The following MYLK variants were observed in gnomAD, a reference collection of about 807,000 sequenced individuals.
MYLK encodes myosin light chain kinase, also known as myosin light chain kinase, smooth muscle.
A neutral mutation model predicts 203.4 loss-of-function variants in MYLK; 106 were observed. That is an observed-to-expected ratio of 0.52 (90% confidence interval 0.45 to 0.61). The LOEUF is 0.61. MYLK is among the 20% of genes least tolerant of loss of function. The probability of loss-of-function intolerance (pLI) is 0.00; values close to 1 mark genes in which losing one functional copy is unlikely to be tolerated. For synonymous variants in MYLK, 867 were observed against 959.5 expected, an observed-to-expected ratio of 0.90 and a Z score of 1.78; for missense variants, 2,072 against 2,442.3, an observed-to-expected ratio of 0.85 and a Z score of 3.20.
chr3:123,803,574 C>G (rs999325747), intron 3 of MYLK, among the ~76,000 whole-genome samples: 1 of 152,208 alleles, frequency 6.6e-6, no homozygotes, highest in African/African-American at 2.4e-5. Context: ...TCTAAGACTG[C>G]CACCAGCTCT....
chr3:123,637,642 C>G (rs1164249701), intron 29 of MYLK, among the ~76,000 whole-genome samples: 2 of 152,180 alleles, frequency 1.3e-5, no homozygotes, highest in Non-Finnish European at 2.9e-5. Context: ...GTCCCCGTGC[C>G]TTGGGGATGG....
chr3:123,762,324 G>A (rs1025070449), intron 4 of MYLK, among the ~76,000 whole-genome samples: 2 of 151,666 alleles, frequency 1.3e-5, no homozygotes, highest in African/African-American at 4.8e-5. Flanking sequence ...TACCTCCCAT[G>A]CTCAAGCGAT....
At chr3:123,824,306 T>C (rs560521956) in intron 3 of MYLK, among the ~76,000 whole-genome samples, 20 of 152,268 alleles carry the variant, frequency 1.3e-4, no homozygotes, top group African/African-American at 4.8e-4. Flanking sequence ...GCCAGGCTGG[T>C]CTCGAACTCC....
intron 4 of MYLK, among the ~76,000 whole-genome samples, chr3:123,790,872 T>G (rs1319107703): frequency 6.6e-6 from 1 of 152,168 alleles, no homozygotes; most frequent in Non-Finnish European, 1.5e-5. Context: ...TGGGCGCAAC[T>G]TCACGGAGGA....
At chr3:123,635,120 T>C (rs1015163373) in intron 29 of MYLK, among the ~76,000 whole-genome samples, 6 of 152,176 alleles carry the variant, frequency 3.9e-5, no homozygotes, top group Non-Finnish European at 8.8e-5. Flanking sequence ...CATCTCTCAC[T>C]GGCCCCAGAA....
intron 4 of MYLK, among the ~76,000 whole-genome samples, chr3:123,788,539 C>T (rs1560218093): frequency 1.8e-5 from 2 of 109,184 alleles, no homozygotes; most frequent in African/African-American, 6.9e-5. Flanking sequence ...CCTCTCCCCT[C>T]CCCCCACCCC....
intron 29 of MYLK, 104 bp downstream of exon 29, chr3:123,637,967 A>G: frequency 1.3e-6 from 2 of 1,546,826 alleles, no homozygotes; most frequent in Admixed American, 1.8e-5. Flanking sequence ...GCTCCCCATC[A>G]TGACAATGGC....
At position 123,647,231 on chromosome 3, in the gene MYLK, G is replaced by A; in HGVS notation, c.4612C>T (p.Leu1538=). 2 of 1,614,162 alleles carry A rather than the reference G, an allele frequency of 1.2e-6. No homozygotes were observed. The highest frequency in any genetic ancestry group is 1.3e-5 in the African/African-American group (1 of 75,056). ...TGGCAGTGGGCCACTCACATCTCCA[G>A]GACCATGACGATGTTGGCCTTTTCT... The part of the protein sequence containing the change: ...FEEKANIVMV[L]EIVSGGELFE... The change falls in exon 27 of 34, where the codon CTG becomes TTG. Residue 1538 remains leucine, a synonymous_variant. Transcript: ENST00000360304.
Position 123,648,362 on chromosome 3 carries a change from G to C in MYLK, c.4415+609C>G, listed in dbSNP as rs551074768. Among the ~76,000 whole-genome samples, 3 of 152,342 alleles carry C rather than the reference G, an allele frequency of 2.0e-5. No individual in the cohort carries two copies. The highest frequency in any genetic ancestry group is 4.4e-5 in the Non-Finnish European group (3 of 68,034). On this transcript the variant is annotated intron_variant, in intron 26 of 33. Coordinates refer to ENST00000360304, the MANE Select transcript of MYLK (RefSeq NM_053025.4). This position sits in a 1 kb window ranked among gnomAD's most constrained non-coding sequence, Gnocchi z 4.5. Reference sequence around the variant, plus strand: ...GCGCGTTTAATGGAGCACTAACGCAGGCATTGCTTTACAGTGAGCACTGAT... The same window carrying C: ...GCGCGTTTAATGGAGCACTAACGCACGCATTGCTTTACAGTGAGCACTGAT...
chr3:123,735,533 C>G, intron 8 of MYLK, 117 bp from the exon 9 acceptor site: 1 of 1,157,168 alleles, frequency 8.6e-7, no homozygotes, highest in Non-Finnish European at 1.3e-6. Flanking sequence ...CTTCCAGCTT[C>G]CCTGGTGCTG....
At chr3:123,686,949 C>T (rs1323290073) in intron 19 of MYLK, among the ~76,000 whole-genome samples, 10 of 152,282 alleles carry the variant, frequency 6.6e-5, no homozygotes, top group Admixed American at 3.9e-4. Flanking sequence ...GGGCCAGGCG[C>T]GGTAGCTCAC....
At chr3:123,810,214 T>C (rs540945763) in intron 3 of MYLK, among the ~76,000 whole-genome samples, 40 of 152,254 alleles carry the variant, frequency 2.6e-4, no homozygotes, top group Admixed American at 4.6e-4. Context: ...GTGCTGTAGG[T>C]GAAACGCGGA....
At chr3:123,750,578 A>G (rs1458673118) in intron 5 of MYLK, among the ~76,000 whole-genome samples, 1 of 152,248 alleles carries the variant, frequency 6.6e-6, no homozygotes, top group African/African-American at 2.4e-5. Context: ...TGTAGAGACC[A>G]CCAAAGTCAA....
intron 3 of MYLK, among the ~76,000 whole-genome samples, chr3:123,818,748 G>C (rs898747847): frequency 2.6e-5 from 4 of 152,148 alleles, no homozygotes; most frequent in Non-Finnish European, 5.9e-5. Flanking sequence ...GTGCAGATTT[G>C]AATCTCAGTT....
intron 2 of MYLK, among the ~76,000 whole-genome samples, chr3:123,869,053 C>G (rs573120028): frequency 8.8e-4 from 134 of 152,196 alleles, no homozygotes; most frequent in Non-Finnish European, 1.6e-3. Flanking sequence ...CAGTAAAAGC[C>G]TTGGTCTGAT....
At chr3:123,709,554 T>C in intron 14 of MYLK, 2 of 683,782 alleles carry the variant, frequency 2.9e-6, no homozygotes, top group South Asian at 1.7e-5. Context: ...CTCTGGACCA[T>C]TTAATCATGA....
At chr3:123,820,691 C>T (rs1470892917) in intron 3 of MYLK, among the ~76,000 whole-genome samples, 8 of 148,034 alleles carry the variant, frequency 5.4e-5, no homozygotes, top group African/African-American at 7.5e-5. Context: ...TCCTTCCCTC[C>T]TTCCTTCCTT....
chr3:123,864,057 T>C lies in MYLK; in HGVS notation c.-127+12502A>G, dbSNP rs145712270. On this transcript the variant is annotated intron_variant, in intron 2 of 33. Coordinates refer to ENST00000360304, the MANE Select transcript of MYLK (RefSeq NM_053025.4). ...TGATACACAAAACAACATGGATAAA[T>C]CTCAAAAACAGGCCAAATGAAAGAA... Among the ~76,000 whole-genome samples, 19 of 152,190 alleles carry C rather than the reference T, an allele frequency of 1.2e-4. No homozygotes were observed. In the East Asian group the frequency reaches 1.5e-3, roughly 12 times the overall value.
At chr3:123,625,625 G>A (rs1384531611) in intron 31 of MYLK, among the ~76,000 whole-genome samples, 6 of 151,884 alleles carry the variant, frequency 4.0e-5, no homozygotes, top group South Asian at 2.1e-4. Flanking sequence ...TGGCTAACAC[G>A]GTGAAACCCT....
Sources: allele counts gnomAD v4.1 joint callset (sites outside exome capture counted in the v4.1 genomes callset), GRCh38; gene constraint gnomAD v4.1.1; non-coding constraint Gnocchi (gnomAD v3.1); transcripts MANE v1.5; gene names NCBI Gene and HGNC (gene_info 2026-07-23, HGNC 2026-07-21).